The following NIPSNAP2 variants were observed in gnomAD, a reference collection of about 807,000 sequenced individuals.
NIPSNAP2 encodes protein NipSnap homolog 2.
NIPSNAP2 carries 42 observed loss-of-function variants against 48.4 expected under a neutral mutation model. The ratio of observed to expected loss-of-function variants is 0.87; its 90% confidence interval spans 0.68 to 1.12. NIPSNAP2 has a LOEUF of 1.12. NIPSNAP2 is among the 50% of genes most tolerant of loss of function. The probability of loss-of-function intolerance (pLI) is 0.00; values close to 1 mark genes in which losing one functional copy is unlikely to be tolerated. For missense variants in NIPSNAP2, 314 were observed against 347.3 expected (o/e 0.90, Z 0.76); for synonymous variants, 158 against 126.6 (o/e 1.25, Z -1.67).
rs749859520 is a variant in NIPSNAP2 at position 55,985,475 on chromosome 7, G to T, written c.617+597G>T. Reference sequence around the variant, plus strand: ...ACTAGCCAGGTGCACTGTGGCTCATGCCTGTAATCCCAGCACTTTGGGAAG... The same window carrying T: ...ACTAGCCAGGTGCACTGTGGCTCATTCCTGTAATCCCAGCACTTTGGGAAG... On this transcript the variant is annotated intron_variant, in intron 7 of 9. Coordinates refer to ENST00000322090, the MANE Select transcript of NIPSNAP2 (RefSeq NM_001483.3). Among the ~76,000 whole-genome samples the T allele has an allele frequency of 2.6e-5, 4 of 152,096 alleles. 1 individual carries two copies. Among genetic ancestry groups the T allele is most frequent in the Non-Finnish European group, 5.9e-5 (4 of 68,024 alleles).
intron 4 of NIPSNAP2, 37 bp downstream of exon 4, chr7:55,981,604 T>G (rs1224070110): frequency 4.3e-6 from 6 of 1,386,490 alleles, no homozygotes; most frequent in Non-Finnish European, 6.1e-6. Flanking sequence ...CACTTCTTCC[T>G]TAAGCCTTAT....
chr7:55,996,300 AAG>A (rs1787562821), intron 8 of NIPSNAP2, among the ~76,000 whole-genome samples: 1 of 151,310 alleles, frequency 6.6e-6, no homozygotes, highest in South Asian at 2.1e-4. Context: ...AAAAAAAAAA[AAG>A]AAAAGAAACC....
chr7:55,983,143 A>C (rs944726540), intron 5 of NIPSNAP2, among the ~76,000 whole-genome samples: 5 of 151,764 alleles, frequency 3.3e-5, no homozygotes, highest in African/African-American at 4.8e-5. Flanking sequence ...CACAAAAAAA[A>C]CCCCCAAAAG....
intron 8 of NIPSNAP2, among the ~76,000 whole-genome samples, chr7:55,995,238 A>G (rs1787538233): frequency 7.6e-6 from 1 of 131,810 alleles, no homozygotes; most frequent in Non-Finnish European, 1.7e-5. Flanking sequence ...GCAAGCAGCC[A>G]TGGAAGAAGG....
At chr7:55,991,199 C>A (rs1787436970) in intron 7 of NIPSNAP2, among the ~76,000 whole-genome samples, 1 of 152,128 alleles carries the variant, frequency 6.6e-6, no homozygotes, top group African/African-American at 2.4e-5. Flanking sequence ...TTCTAATGAA[C>A]CTTTCCTCCT....
intron 7 of NIPSNAP2, among the ~76,000 whole-genome samples, chr7:55,986,996 A>T (rs1232504296): frequency 6.7e-6 from 1 of 149,068 alleles, no homozygotes; most frequent in African/African-American, 2.5e-5. Flanking sequence ...AAAAAAAAAA[A>T]AAAAAAAAAA....
At chr7:55,997,500 A>G in intron 9 of NIPSNAP2, 51 bp downstream of exon 9, 1 of 1,385,336 alleles carries the variant, frequency 7.2e-7, no homozygotes, top group South Asian at 1.2e-5. Context: ...TGTTTCAATC[A>G]TGTTCTTTCA....
Position 55,978,337 on chromosome 7 carries a change from T to C in NIPSNAP2, c.233-13T>C. The C allele has an allele frequency of 6.2e-7, 1 of 1,613,508 alleles. No homozygotes were observed. Among genetic ancestry groups the C allele is most frequent in the South Asian group, 1.1e-5 (1 of 90,890 alleles). On this transcript the variant is annotated splice_polypyrimidine_tract_variant and intron_variant, in intron 2 of 9. Transcript: ENST00000322090. ...TGTTCCTAAGTTTATCGTTGAATTT[T>C]CTTTTGTTTCAGTTCACAATGTTAA...
At chr7:55,976,443 C>T (rs1021866492) in intron 1 of NIPSNAP2, among the ~76,000 whole-genome samples, 2 of 152,096 alleles carry the variant, frequency 1.3e-5, no homozygotes, top group Non-Finnish European at 2.9e-5. Context: ...TATAGCTGGC[C>T]GTAGGACATA....
chr7:55,968,309 G>T (rs1786939693), intron 1 of NIPSNAP2, among the ~76,000 whole-genome samples: 2 of 151,864 alleles, frequency 1.3e-5, no homozygotes, highest in African/African-American at 4.8e-5. Flanking sequence ...TAGCATTGTA[G>T]TTCTGTCATT....
chr7:55,991,774 A>ATG (rs1326152875), intron 7 of NIPSNAP2: 2 of 213,824 alleles, frequency 9.4e-6, no homozygotes, highest in Non-Finnish European at 1.8e-5. Flanking sequence ...AAATATATAT[A>ATG]TATATATAAT....
intron 7 of NIPSNAP2, among the ~76,000 whole-genome samples, chr7:55,987,623 T>TC (rs1787359142): frequency 1.3e-5 from 2 of 151,932 alleles, no homozygotes; most frequent in African/African-American, 4.8e-5. Flanking sequence ...CGAGACTTCA[T>TC]CCCCCGCCTC....
chr7:55,978,680 G>A (rs1013792913), intron 3 of NIPSNAP2: 1 of 364,622 alleles, frequency 2.7e-6, no homozygotes, highest in African/African-American at 2.1e-5. Context: ...TACTTATCCA[G>A]TGCTGGAGTC....
chr7:55,977,639 C>T (rs1395780201), intron 1 of NIPSNAP2, among the ~76,000 whole-genome samples: 4 of 152,090 alleles, frequency 2.6e-5, no homozygotes, highest in Admixed American at 1.3e-4. Context: ...GCAAAATGTA[C>T]GTAATGTAAA....
intron 9 of NIPSNAP2, among the ~76,000 whole-genome samples, chr7:55,997,943 C>G (rs910776570): frequency 6.6e-6 from 1 of 152,104 alleles, no homozygotes; most frequent in Non-Finnish European, 1.5e-5. Context: ...ACCCTGTTTG[C>G]TTGATTTTTA....
intron 7 of NIPSNAP2, among the ~76,000 whole-genome samples, chr7:55,990,590 TCTTA>T (rs1286448520): frequency 8.5e-5 from 13 of 152,148 alleles, no homozygotes; most frequent in African/African-American, 3.1e-4. Context: ...TTATGTTAAC[TCTTA>T]CTTTTCTTTG....
chr7:55,970,699 A>G (rs1787000833), intron 1 of NIPSNAP2, among the ~76,000 whole-genome samples: 1 of 152,036 alleles, frequency 6.6e-6, no homozygotes, highest in African/African-American at 2.4e-5. Flanking sequence ...GTCCTCCCAC[A>G]TGCTCTTCTG....
chr7:55,975,644 T>C (rs1195170442), intron 1 of NIPSNAP2, among the ~76,000 whole-genome samples: 1 of 152,142 alleles, frequency 6.6e-6, no homozygotes, highest in East Asian at 1.9e-4. Flanking sequence ...TTGTCAAAAC[T>C]CAGTACTGTC....
chr7:55,988,473 TAGTG>T (rs1433085497), intron 7 of NIPSNAP2, among the ~76,000 whole-genome samples: 4 of 152,012 alleles, frequency 2.6e-5, no homozygotes, highest in Non-Finnish European at 4.4e-5. Flanking sequence ...AATAACGTGT[TAGTG>T]AGGTGAGGAG....
Sources: gnomAD v4.1 joint callset for allele counts (sites outside exome capture counted in the v4.1 genomes callset) on GRCh38, gnomAD v4.1.1 for gene constraint, MANE v1.5 for transcripts, NCBI Gene and HGNC (gene_info 2026-07-23, HGNC 2026-07-21) for gene names.